Variants in SCAF8 observed in about 807,000 individuals in gnomAD.
The protein encoded by SCAF8 is SR-related CTD associated factor 8.
SCAF8 carries 23 observed loss-of-function variants against 140.5 expected under a neutral mutation model. That is an observed-to-expected ratio of 0.16 (90% CI 0.12 to 0.23). The LOEUF (loss-of-function observed/expected upper bound fraction) is 0.23, where lower values mean the gene tolerates loss of function less well. SCAF8 is among the 10% of genes least tolerant of loss of function. The probability of loss-of-function intolerance (pLI) is 1.00; values close to 1 mark genes in which losing one functional copy is unlikely to be tolerated. For synonymous variants in SCAF8, 575 were observed against 528.9 expected (o/e 1.09, Z -1.20); for missense variants, 1,397 against 1,555.7 (o/e 0.90, Z 1.72).
At chr6:154,806,674 T>C (rs78282078) in intron 9 of SCAF8, among the ~76,000 whole-genome samples, 1 of 152,308 alleles carries the variant, frequency 6.6e-6, no homozygotes, top group Non-Finnish European at 1.5e-5. Flanking sequence ...ACTTGACTTT[T>C]TAATGCAAAC....
At chr6:154,822,184 TG>T in intron 15 of SCAF8, 91 bp from the exon 16 acceptor site, 1 of 1,331,190 alleles carries the variant, frequency 7.5e-7, no homozygotes, top group South Asian at 1.6e-5. Context: ...CCAAGGTAGA[TG>T]AAGGATTTAG....
intron 18 of SCAF8, 72 bp from the exon 19 acceptor site, chr6:154,830,850 C>G: frequency 8.9e-7 from 1 of 1,125,848 alleles, no homozygotes; most frequent in Non-Finnish European, 1.3e-6. Context: ...ATTAAATACT[C>G]AGACTGCCAG....
intron 1 of SCAF8, among the ~76,000 whole-genome samples, chr6:154,753,594 G>A (rs976022872): frequency 6.6e-6 from 1 of 152,088 alleles, no homozygotes; most frequent in African/African-American, 2.4e-5. Flanking sequence ...AGCCAAGATC[G>A]CGACTCTGCC....
At chr6:154,765,692 TTAAGTAGA>T (rs1425682342) in intron 1 of SCAF8, among the ~76,000 whole-genome samples, 4 of 92,104 alleles carry the variant, frequency 4.3e-5, no homozygotes, top group African/African-American at 3.6e-4. Context: ...ATTTCTGGAT[TTAAGTAGA>T]TTATTTAATA....
At chr6:154,736,460 T>TG (rs1181533351) in intron 1 of SCAF8, among the ~76,000 whole-genome samples, 7 of 151,680 alleles carry the variant, frequency 4.6e-5, no homozygotes, top group Admixed American at 2.6e-4. Context: ...TTAGTAGAGA[T>TG]GGGGTTTCAT....
chr6:154,776,839 T>G (rs1776930713), intron 2 of SCAF8, among the ~76,000 whole-genome samples: 1 of 152,200 alleles, frequency 6.6e-6, no homozygotes, highest in South Asian at 2.1e-4. Context: ...TGTTCCTATT[T>G]CTTCAGTCTA....
chr6:154,790,089 C>T (rs567219633), intron 4 of SCAF8, among the ~76,000 whole-genome samples: 9 of 152,254 alleles, frequency 5.9e-5, no homozygotes, highest in Admixed American at 2.0e-4. Context: ...ATAGGGCTTT[C>T]TTTTAACCAT....
At chr6:154,814,706 C>T (rs905344814) in intron 12 of SCAF8, among the ~76,000 whole-genome samples, 1 of 152,144 alleles carries the variant, frequency 6.6e-6, no homozygotes, top group African/African-American at 2.4e-5. Context: ...GCAAAGGTGT[C>T]AGCTATAAAT....
intron 1 of SCAF8, 26 bp from the exon 2 acceptor site, chr6:154,773,963 A>G (rs966511051): frequency 1.4e-6 from 2 of 1,460,738 alleles, no homozygotes; most frequent in Admixed American, 1.7e-5. Flanking sequence ...GTTTTGCTGT[A>G]TGTAAATTTG....
In SCAF8 at chr6:154,832,391, A is replaced by C. The variant is rs746815263; in HGVS notation, c.2812A>C (p.Arg938=). 1.9e-6 allele frequency: 3 copies of C among 1,614,056 alleles called. No homozygotes were observed. In the African/African-American group the frequency reaches 4.0e-5, roughly 22 times the overall value. ...PGLIPQAPGP[R]FPLIQPGIPP... is the part of the protein sequence containing the mutation. The stretch of plus-strand genomic sequence containing the variant: ...ACTAATACCACAGGCACCTGGGCCA[A>C]GATTCCCTTTAATACAGCCTGGAAT... Residue 938 remains arginine (R), a synonymous_variant, in exon 20 of 20, where the codon AGA becomes CGA. Coordinates refer to ENST00000367178, the MANE Select transcript of SCAF8 (RefSeq NM_014892.5).
intron 1 of SCAF8, among the ~76,000 whole-genome samples, chr6:154,736,118 C>T (rs1056412575): frequency 6.6e-6 from 1 of 152,006 alleles, no homozygotes; most frequent in African/African-American, 2.4e-5. Context: ...AGCCACCACG[C>T]CTGGGGGATT....
chr6:154,755,470 C>T lies in SCAF8; in HGVS notation c.31-18519C>T, dbSNP rs998378745. ...GGTTTTGTCATGTCCAGTCTGGTCT[C>T]GAACTCCTGACCTCAAGTGACCCTC... On this transcript the variant is annotated intron_variant, in intron 1 of 19. Transcript: ENST00000367178. Among the ~76,000 whole-genome samples, 13 of 152,122 alleles carry T rather than the reference C, an allele frequency of 8.5e-5. 1 individual carries two copies. The highest frequency in any genetic ancestry group is 2.1e-4 in the South Asian group (1 of 4,812).
intron 4 of SCAF8, among the ~76,000 whole-genome samples, chr6:154,791,452 C>T (rs1183014659): frequency 6.6e-6 from 1 of 152,098 alleles, no homozygotes; most frequent in Non-Finnish European, 1.5e-5. Flanking sequence ...GTTATAGTAT[C>T]GCTATAAGAA....
At chr6:154,783,205 A>G (rs1042974602) in intron 3 of SCAF8, among the ~76,000 whole-genome samples, 1 of 151,912 alleles carries the variant, frequency 6.6e-6, no homozygotes, top group African/African-American at 2.4e-5. Flanking sequence ...AGTTTACCCA[A>G]CTCTTTTTGT....
chr6:154,765,074 T>C (rs1035016067), intron 1 of SCAF8, among the ~76,000 whole-genome samples: 45 of 152,218 alleles, frequency 3.0e-4, no homozygotes, highest in African/African-American at 1.1e-3. Context: ...AGTCTCTTTA[T>C]GTACATTATT....
At chr6:154,770,523 C>T (rs1776724836) in intron 1 of SCAF8, among the ~76,000 whole-genome samples, 1 of 151,666 alleles carries the variant, frequency 6.6e-6, no homozygotes, top group African/African-American at 2.4e-5. Flanking sequence ...GTGATCGGTG[C>T]TTATGCCACT....
chr6:154,833,985 A>G lies in SCAF8; in HGVS notation c.*590A>G, dbSNP rs560151337. 6.6e-6 allele frequency: 1 copy of G among 152,388 alleles called. No homozygotes were observed. Among genetic ancestry groups the G allele is most frequent in the African/African-American group, 2.4e-5 (1 of 41,588 alleles). The allele number at this position is 152,388 out of a possible 1,614,324, so 9.4% of individuals were successfully genotyped here. A position where few individuals can be genotyped will look rare whatever the true frequency, so the allele number is the denominator to read the frequency against. The stretch of plus-strand genomic sequence containing the variant: ...GTAAAAAAGAAACAAGAAAACAACA[A>G]CATAAATATTAAAGTACGTTTCAAT... On this transcript the variant is annotated 3_prime_UTR_variant, in exon 20 of 20. Transcript: ENST00000367178.
chr6:154,782,098 A>G lies in SCAF8; in HGVS notation c.159+4053A>G, dbSNP rs533572124. Among the ~76,000 whole-genome samples, 6 of 152,312 alleles carry G rather than the reference A, an allele frequency of 3.9e-5. No homozygotes were observed. The East Asian group carries it at 9.6e-4, about 24-fold the overall frequency. ...AATTAATTTTGCCAAAAATCAGTTC[A>G]TATGCTGATTGTGTCTTAGCTTTAT... On this transcript the variant is annotated intron_variant, in intron 3 of 19. Transcript: ENST00000367178.
At chr6:154,787,612 T>G (rs567760361) in intron 3 of SCAF8, among the ~76,000 whole-genome samples, 32 of 152,336 alleles carry the variant, frequency 2.1e-4, no homozygotes, top group African/African-American at 6.7e-4. Flanking sequence ...TATTTATCAC[T>G]TTGTTTTATG....
Sources: allele counts gnomAD v4.1 joint callset (sites outside exome capture counted in the v4.1 genomes callset), GRCh38; gene constraint gnomAD v4.1.1; transcripts MANE v1.5; gene names NCBI Gene and HGNC (gene_info 2026-07-23, HGNC 2026-07-21).